RPH3A: variants seen among roughly 807,000 people sequenced by gnomAD.
RPH3A encodes rabphilin 3A.
A neutral mutation model predicts 102.2 loss-of-function variants in RPH3A; 48 were observed. The observed-to-expected ratio is 0.47, with a 90% CI of 0.37 to 0.60. RPH3A has a LOEUF of 0.60. Among genes scored for constraint, RPH3A ranks in the 20% least tolerant of loss-of-function variants. RPH3A has a pLI of 0.00. For synonymous variants in RPH3A, 310 were observed against 324.3 expected (o/e 0.96, Z 0.47); for missense variants, 781 against 910.1 (o/e 0.86, Z 1.83).
intron 1 of RPH3A, among the ~76,000 whole-genome samples, chr12:112,668,326 G>A (rs1420547535): frequency 6.6e-6 from 1 of 152,144 alleles, no homozygotes; most frequent in African/African-American, 2.4e-5. Context: ...AGAGCTCTTA[G>A]AGCGACCAGT....
intron 1 of RPH3A, among the ~76,000 whole-genome samples, chr12:112,763,371 A>G (rs1328046622): frequency 1.3e-5 from 2 of 152,232 alleles, no homozygotes; most frequent in Non-Finnish European, 2.9e-5. Flanking sequence ...ACATGTGCCC[A>G]AGGTGTTTGG....
chr12:112,734,272 GC>G (rs1223076623), intron 1 of RPH3A, among the ~76,000 whole-genome samples: 34 of 152,202 alleles, frequency 2.2e-4, no homozygotes, highest in African/African-American at 8.2e-4. Context: ...AACATGCTGT[GC>G]AGGTTTATAG....
intron 1 of RPH3A, among the ~76,000 whole-genome samples, chr12:112,621,891 T>C (rs1052602760): frequency 8.6e-5 from 13 of 150,656 alleles, no homozygotes; most frequent in African/African-American, 3.2e-4. Flanking sequence ...CTCAAGTGGG[T>C]CCCTGACCCC....
rs140618955 is a variant in RPH3A, at chr12:112,642,786, G to A, written c.-140+67467G>A. On this transcript the variant is annotated intron_variant, in intron 1 of 21. Transcript: ENST00000543106. The stretch of plus-strand genomic sequence containing the variant: ...TACCAGGCACTCTTCTAAGACTTTC[G>A]ATTGTTTAATTTAATCCTCACATCA... Among the ~76,000 whole-genome samples, 1,102 of 152,200 alleles carry A rather than the reference G, an allele frequency of 7.2e-3. 13 individuals carry two copies. The highest frequency in any genetic ancestry group is 7.0e-3 in the Non-Finnish European group (473 of 68,004).
intron 1 of RPH3A, among the ~76,000 whole-genome samples, chr12:112,584,238 G>C (rs1459365184): frequency 8.0e-6 from 1 of 125,346 alleles, no homozygotes; most frequent in Non-Finnish European, 1.6e-5. Flanking sequence ...TGGATTTAAT[G>C]AAGGTTAAAC....
intron 1 of RPH3A, among the ~76,000 whole-genome samples, chr12:112,616,120 A>G (rs2039676880): frequency 6.6e-6 from 1 of 152,018 alleles, no homozygotes; most frequent in South Asian, 2.1e-4. Flanking sequence ...CAACTGGTTT[A>G]TCTCTGATAA....
chr12:112,896,542 G>T, intron 21 of RPH3A, 108 bp from the exon 22 acceptor site: 1 of 1,279,404 alleles, frequency 7.8e-7, no homozygotes, highest in South Asian at 1.3e-5. Flanking sequence ...ATGGATCCCA[G>T]GTTGCTGGGG....
rs766719831 is a variant in RPH3A, at chr12:112,847,720, C to A, written c.108C>A (p.His36Gln). ...KEQLQAGWSV[H>Q]PGGQPDRQRK... is the part of the protein sequence containing the mutation. ...GGCTCCAGGCAGGCTGGTCCGTCCA[C>A]CCCGGTGGTCAGCCTGACAGGCAGA... Residue 36 changes from histidine to glutamine, a missense_variant, in exon 5 of 22, where the codon CAC (histidine) becomes CAA (glutamine). This residue lies in a region of RPH3A where 730 missense variants were observed against 810.0 expected (regional missense o/e 0.90). Coordinates refer to ENST00000389385, the MANE Select transcript of RPH3A (RefSeq NM_001143854.2). 1 of 1,614,124 alleles carries A rather than the reference C, an allele frequency of 6.2e-7. No homozygotes were observed. Among genetic ancestry groups the A allele is most frequent in the South Asian group, 1.1e-5 (1 of 91,074 alleles).
intron 2 of RPH3A, among the ~76,000 whole-genome samples, chr12:112,794,445 T>A (rs1250273606): frequency 6.6e-6 from 1 of 152,146 alleles, no homozygotes; most frequent in Non-Finnish European, 1.5e-5. Flanking sequence ...GAGTCTCTTG[T>A]GAGAACTTTG....
At chr12:112,718,620 T>C (rs757816576) in intron 1 of RPH3A, among the ~76,000 whole-genome samples, 4 of 152,188 alleles carry the variant, frequency 2.6e-5, no homozygotes, top group Non-Finnish European at 4.4e-5. Context: ...CACTGCGCGT[T>C]GCTGAGGGGA....
intron 1 of RPH3A, among the ~76,000 whole-genome samples, chr12:112,659,734 T>C (rs1204916478): frequency 2.0e-5 from 3 of 152,230 alleles, no homozygotes; most frequent in Non-Finnish European, 4.4e-5. Context: ...GATCACTGTA[T>C]GGACTCATTG....
At chr12:112,748,102 C>T (rs552795348) in intron 1 of RPH3A, among the ~76,000 whole-genome samples, 5 of 152,256 alleles carry the variant, frequency 3.3e-5, no homozygotes, top group South Asian at 4.1e-4. Flanking sequence ...AAAAGACTTG[C>T]GGGGCAGCTG....
chr12:112,801,150 C>T (rs558860924), intron 2 of RPH3A, among the ~76,000 whole-genome samples: 6 of 152,270 alleles, frequency 3.9e-5, no homozygotes, highest in South Asian at 2.1e-4. Flanking sequence ...TGATGGAAGA[C>T]GTGAGCTTCT....
rs2043026273 is a variant in RPH3A at position 112,887,696 on chromosome 12, C to T, written c.1437-101C>T. 8.8e-6 allele frequency: 11 copies of T among 1,245,100 alleles called. No homozygotes were observed. In the East Asian group the frequency reaches 1.9e-4, roughly 22 times the overall value. The allele number at this position is 1,245,100 out of a possible 1,614,324, so 77.1% of individuals were successfully genotyped here. ...CAGGAAATCATATTATTTCCACATA[C>T]ATTACACATTCCTTACCAGTATCAG... On this transcript the variant is annotated intron_variant, in intron 16 of 21. Transcript: ENST00000389385.
rs372578786 is a variant in RPH3A, at chr12:112,869,854, G to A, written c.650-39G>A. On this transcript the variant is annotated intron_variant, in intron 9 of 21. Transcript: ENST00000389385. ...AGACACGAATTCACCTAATTCCCTCGATGCCCTTTCTCTACTCAATTCATG... is the reference window on the plus strand; with the variant it reads ...AGACACGAATTCACCTAATTCCCTCAATGCCCTTTCTCTACTCAATTCATG... The A allele has an allele frequency of 3.7e-5, 59 of 1,613,918 alleles. No homozygotes were observed. The Middle Eastern group carries it at 4.9e-4, about 13-fold the overall frequency.
intron 2 of RPH3A, among the ~76,000 whole-genome samples, chr12:112,820,336 A>G (rs1191538929): frequency 6.6e-6 from 1 of 152,186 alleles, no homozygotes; most frequent in Non-Finnish European, 1.5e-5. Context: ...TCCAAGTACC[A>G]CGTTTTCTTT....
intron 1 of RPH3A, among the ~76,000 whole-genome samples, chr12:112,745,394 C>T (rs1324708066): frequency 3.9e-5 from 6 of 152,154 alleles, no homozygotes; most frequent in South Asian, 4.1e-4. Flanking sequence ...AAATATATTG[C>T]TATTTATCAC....
intron 4 of RPH3A, among the ~76,000 whole-genome samples, chr12:112,837,599 T>G (rs2042074873): frequency 6.6e-6 from 1 of 152,166 alleles, no homozygotes; most frequent in Non-Finnish European, 1.5e-5. Context: ...TAAAGACTAT[T>G]TGAATGCTCT....
chr12:112,750,993 C>A (rs1469071044), intron 1 of RPH3A, among the ~76,000 whole-genome samples: 1 of 152,122 alleles, frequency 6.6e-6, no homozygotes, highest in Non-Finnish European at 1.5e-5. Context: ...GAAGAGGAAG[C>A]CAGCACCACA....
Sources: allele counts gnomAD v4.1 joint callset (sites outside exome capture counted in the v4.1 genomes callset), GRCh38; gene constraint gnomAD v4.1.1; regional missense constraint gnomAD v4.1.1; transcripts MANE v1.5; gene names NCBI Gene and HGNC (gene_info 2026-07-23, HGNC 2026-07-21).